Variants in NISCH observed in about 807,000 individuals in gnomAD.
NISCH encodes nischarin, also known as I-1 receptor candidate protein.
Under a neutral mutation model 138.4 loss-of-function variants are expected in NISCH, and 55 were observed. The observed-to-expected ratio is 0.40, with a 90% confidence interval of 0.32 to 0.50. The LOEUF is 0.50. NISCH is among the 20% of genes least tolerant of loss of function. The pLI is 0.71. For synonymous variants in NISCH, 860 were observed against 861.5 expected, an observed-to-expected ratio of 1.00 and a Z score of 0.03; for missense variants, 1,643 against 2,005.5, an observed-to-expected ratio of 0.82 and a Z score of 3.45.
intron 13 of NISCH, 50 bp from the exon 14 acceptor site, chr3:52,484,463 C>CG: frequency 3.5e-6 from 1 of 289,548 alleles, no homozygotes; most frequent in Non-Finnish European, 7.0e-6. Context: ...CAGCCGCTCT[C>CG]CCCGCCCCAC....
rs1255487112 is a variant in NISCH at position 52,488,035 on chromosome 3, G to A, written c.2543G>A (p.Cys848Tyr). Residue 848 changes from cysteine to tyrosine, a missense_variant, in exon 16 of 21, where the codon TGC becomes TAC. Cys to Tyr is a radical substitution (Grantham distance 194). Coordinates refer to ENST00000345716, the MANE Select transcript of NISCH (RefSeq NM_007184.4). ...LLTFYKVAGGCQERSQGCFPV... is the reference protein window; with the variant it reads ...LLTFYKVAGGYQERSQGCFPV... ...ACCTTCTACAAGGTGGCTGGCGGCT[G>A]CCAGGAGCGCAGCCAGGGCTGCTTC... is the stretch of plus-strand genomic sequence containing the variant. 1 of 1,612,518 alleles carries A rather than the reference G, an allele frequency of 6.2e-7. No individual in the cohort carries two copies. Among genetic ancestry groups the A allele is most frequent in the Non-Finnish European group, 8.5e-7 (1 of 1,179,872 alleles).
intron 3 of NISCH, among the ~76,000 whole-genome samples, chr3:52,462,076 G>C (rs1028508985): frequency 1.3e-5 from 2 of 152,118 alleles, no homozygotes; most frequent in African/African-American, 4.8e-5. Context: ...CCTGAGATGT[G>C]CCTGGGGCCG....
intron 12 of NISCH, 56 bp from the exon 13 acceptor site, chr3:52,480,128 T>C (rs1446517902): frequency 6.3e-7 from 1 of 1,599,538 alleles, no homozygotes; most frequent in Admixed American, 1.7e-5. Context: ...CCCCTGGCCT[T>C]GGGGAGCTCT....
intron 3 of NISCH, among the ~76,000 whole-genome samples, chr3:52,468,708 G>A (rs148131238): frequency 2.0e-4 from 31 of 152,198 alleles, no homozygotes; most frequent in African/African-American, 7.2e-4. Flanking sequence ...CCTTAAAGCT[G>A]TGGCTCTGTG....
At position 52,487,741 on chromosome 3, in the gene NISCH, G is replaced by A. The variant is rs200813753; in HGVS notation, c.2249G>A (p.Ser750Asn). ...EIPHQESRGS[S>N]QHILSSLRFV... is the part of the protein sequence containing the mutation. Reference sequence around the variant, plus strand: ...CCGCACCAGGAGTCTCGGGGCAGCAGCCAGCACATCCTCTCCTCCCTGCGC... The same window carrying A: ...CCGCACCAGGAGTCTCGGGGCAGCAACCAGCACATCCTCTCCTCCCTGCGC... Residue 750 changes from serine (S) to asparagine (N), a missense_variant, in exon 16 of 21, where the codon AGC becomes AAC. Physicochemically the swap from Ser to Asn is conservative, Grantham distance 46. Coordinates refer to ENST00000345716, the MANE Select transcript of NISCH (RefSeq NM_007184.4). The surrounding 1 kb of genome is among the most constrained non-coding windows in gnomAD (Gnocchi z 9.1). 35 of 1,613,790 alleles carry A rather than the reference G, an allele frequency of 2.2e-5. No individual in the cohort carries two copies. Among genetic ancestry groups the A allele is most frequent in the Non-Finnish European group, 1.9e-5 (23 of 1,180,020 alleles).
At position 52,471,962 on chromosome 3, in the gene NISCH, C is replaced by G; in HGVS notation, c.558C>G (p.Arg186=). The change falls in exon 5 of 21, where the codon CGC becomes CGG. Residue 186 remains arginine, a synonymous_variant. Coordinates refer to ENST00000345716, the MANE Select transcript of NISCH (RefSeq NM_007184.4). ...GGCACATCCTGGACTTCACCTGTCG[C>G]CTTAAGTACCTTAAGGTAAAGCTGC... ...DLGHILDFTC[R]LKYLKVSGTE... 6.3e-7 allele frequency: 1 copy of G among 1,593,092 alleles called. No individual in the cohort carries two copies. The highest frequency in any genetic ancestry group is 1.1e-5 in the South Asian group (1 of 88,594).
At position 52,478,196 on chromosome 3, in the gene NISCH, G is replaced by A; in HGVS notation, c.1087G>A (p.Ala363Thr). ...KLGNIKTLNL[A>T]GNLLESLSGL... ...GGGGAACATCAAGACCTTAAACCTG[G>A]CAGGCAACCTCCTAGAGAGTCTGAG... The change falls in exon 10 of 21, where the codon GCA becomes ACA. Residue 363 changes from alanine (A) to threonine (T), a missense_variant. Physicochemically the swap from Ala to Thr is moderately conservative, Grantham distance 58. Transcript: ENST00000345716. 6.2e-7 allele frequency: 1 copy of A among 1,614,072 alleles called. No individual in the cohort carries two copies. The highest frequency in any genetic ancestry group is 8.5e-7 in the Non-Finnish European group (1 of 1,180,008).
Position 52,492,796 on chromosome 3 carries a change from G to A in NISCH, c.*314G>A, listed in dbSNP as rs1707608115. 1 of 390,598 alleles carries A rather than the reference G, an allele frequency of 2.6e-6. No individual in the cohort carries two copies. Among genetic ancestry groups the A allele is most frequent in the Non-Finnish European group, 4.6e-6 (1 of 215,702 alleles). 24.2% of individuals were successfully genotyped at this position (390,598 alleles called of 1,614,324 possible). Reference sequence around the variant, plus strand: ...GTGGGTCTGACTTTCTCTTCTACACGTCCTTTCCTGAAGTGTCGAGTCCAG... The same window carrying A: ...GTGGGTCTGACTTTCTCTTCTACACATCCTTTCCTGAAGTGTCGAGTCCAG... On this transcript the variant is annotated 3_prime_UTR_variant, in exon 21 of 21. Transcript: ENST00000345716.
rs768133208 is a variant in NISCH at position 52,485,761 on chromosome 3, GTTTCTTTC to G, written c.1654-15_1654-8del. 4 of 1,571,714 alleles carry G rather than the reference GTTTCTTTC, an allele frequency of 2.5e-6. No homozygotes were observed. In the African/African-American group the frequency reaches 5.4e-5, roughly 21 times the overall value. Reference sequence around the variant, plus strand: ...GCTGCAGTAGGTGGGGACTGACTGTGTTTCTTTCTCCATCAGGCAGCTTCCGATGATTT... The same window carrying G: ...GCTGCAGTAGGTGGGGACTGACTGTGTCCATCAGGCAGCTTCCGATGATTT... On this transcript the variant is annotated splice_polypyrimidine_tract_variant and intron_variant, in intron 14 of 20. Coordinates refer to ENST00000345716, the MANE Select transcript of NISCH (RefSeq NM_007184.4).
Position 52,489,354 on chromosome 3 carries a change from G to T in NISCH, c.3132G>T (p.Gln1044His). The T allele has an allele frequency of 6.2e-7, 1 of 1,612,824 alleles. No individual in the cohort carries two copies. The highest frequency in any genetic ancestry group is 1.1e-5 in the South Asian group (1 of 91,064). Residue 1044 changes from glutamine to histidine, a missense_variant, in exon 17 of 21, where the codon CAG becomes CAT. Physicochemically the swap from Gln to His is conservative, Grantham distance 24 (BLOSUM62 0). Coordinates refer to ENST00000345716, the MANE Select transcript of NISCH (RefSeq NM_007184.4). Reference protein sequence around the residue: ...ERRASNDQRPQEVPAEALAPA... With the variant: ...ERRASNDQRPHEVPAEALAPA... The stretch of plus-strand genomic sequence containing the variant: ...GATACAGCAATGACCAGCGTCCCCA[G>T]GAGGTCCCAGCAGAGGCTCTGGCCC...
chr3:52,470,362 C>G (rs1241913569), intron 3 of NISCH, among the ~76,000 whole-genome samples: 2 of 152,130 alleles, frequency 1.3e-5, no homozygotes, highest in Non-Finnish European at 2.9e-5. Flanking sequence ...CACTCTTTTC[C>G]TGAGACACAT....
At chr3:52,478,614 C>T in intron 11 of NISCH, 37 bp downstream of exon 11, 1 of 1,594,356 alleles carries the variant, frequency 6.3e-7, no homozygotes, top group Non-Finnish European at 8.6e-7. Flanking sequence ...CCAGGGAGAC[C>T]TTCGGGATGC....
rs556982583 is a variant in NISCH at position 52,481,956 on chromosome 3, G to A, written c.1528+1661G>A. ...CTTTTGGTGAGAAACAGCAAAGATC[G>A]GACCCCTAAGGACTCTCCTGATGTC... On this transcript the variant is annotated intron_variant, in intron 13 of 20. Transcript: ENST00000345716. 2.7e-5 allele frequency: 26 copies of A among 975,194 alleles called. 1 individual carries two copies. In the African/African-American group the frequency reaches 3.5e-4, roughly 13 times the overall value. The allele number at this position is 975,194 out of a possible 1,614,324, so 60.4% of individuals were successfully genotyped here. A position where few individuals can be genotyped will look rare whatever the true frequency, so the allele number is the denominator to read the frequency against.
intron 3 of NISCH, among the ~76,000 whole-genome samples, chr3:52,462,905 G>A (rs548205598): frequency 6.6e-6 from 1 of 152,094 alleles, no homozygotes; most frequent in Non-Finnish European, 1.5e-5. Context: ...CAAAGTGCTG[G>A]GATTACAGGC....
intron 9 of NISCH, 133 bp downstream of exon 9, chr3:52,477,775 C>T: frequency 2.7e-6 from 2 of 737,036 alleles, no homozygotes. Flanking sequence ...GCTTTAGGAT[C>T]CCAGCAATGC....
chr3:52,486,291 A>G (rs1266764711), intron 15 of NISCH, among the ~76,000 whole-genome samples: 1 of 151,942 alleles, frequency 6.6e-6, no homozygotes, highest in Non-Finnish European at 1.5e-5. Flanking sequence ...AATTTTTTAT[A>G]TTTTTAGTAG....
Position 52,472,336 on chromosome 3 carries a change from A to G in NISCH, c.607A>G (p.Asn203Asp), listed in dbSNP as rs1356881529. ...CACAGAAGGACCTTTTGGGACCAGCAACATTCAGGAGCAGCTCCTGCCGTT... is the reference window on the plus strand; with the variant it reads ...CACAGAAGGACCTTTTGGGACCAGCGACATTCAGGAGCAGCTCCTGCCGTT... ...SGTEGPFGTS[N>D]IQEQLLPFDL... Residue 203 changes from asparagine to aspartate, a missense_variant, in exon 6 of 21, where the codon AAC becomes GAC. Transcript: ENST00000345716. 1.9e-6 allele frequency: 3 copies of G among 1,614,182 alleles called. No individual in the cohort carries two copies. Among genetic ancestry groups the G allele is most frequent in the Non-Finnish European group, 2.5e-6 (3 of 1,180,032 alleles).
chr3:52,477,551 C>T (rs375846299), intron 8 of NISCH, 23 bp from the exon 9 acceptor site: 7 of 1,605,662 alleles, frequency 4.4e-6, no homozygotes, highest in South Asian at 1.1e-5. Context: ...ACAGTAACAT[C>T]GGGTGTTCTT....
At chr3:52,469,070 C>T (rs1706866942) in intron 3 of NISCH, among the ~76,000 whole-genome samples, 1 of 152,096 alleles carries the variant, frequency 6.6e-6, no homozygotes, top group Admixed American at 6.5e-5. Flanking sequence ...AGACAAACAA[C>T]CCAAGAGAAA....
Sources: gnomAD v4.1 joint callset for allele counts (sites outside exome capture counted in the v4.1 genomes callset) on GRCh38, gnomAD v4.1.1 for gene constraint, Gnocchi (gnomAD v3.1) non-coding constraint, MANE v1.5 for transcripts, NCBI Gene and HGNC (gene_info 2026-07-23, HGNC 2026-07-21) for gene names.